PLCD3: variants seen among roughly 807,000 people sequenced by gnomAD.
The protein encoded by PLCD3 is phospholipase C delta 3.
Under a neutral mutation model 82.8 loss-of-function variants are expected in PLCD3, and 62 were observed. The observed-to-expected ratio is 0.75, with a 90% CI of 0.61 to 0.93. The LOEUF is 0.93. Ranked by LOEUF, PLCD3 falls within the 40% of genes least tolerant of loss-of-function variation. The pLI is 0.00. For missense variants in PLCD3, 1,023 were observed against 1,103.4 expected (o/e 0.93, Z 1.03); for synonymous variants, 478 against 471.8 (o/e 1.01, Z -0.17).
At chr17:45,130,280 G>A (rs937061350) in intron 1 of PLCD3, among the ~76,000 whole-genome samples, 1 of 152,142 alleles carries the variant, frequency 6.6e-6, no homozygotes, top group Non-Finnish European at 1.5e-5. Flanking sequence ...CAGCTGATGA[G>A]TACCGAGGCC....
Position 45,132,236 on chromosome 17 carries a change from C to T in PLCD3, c.163+12G>A. The T allele has an allele frequency of 7.9e-7, 1 of 1,267,772 alleles. No individual in the cohort carries two copies. Among genetic ancestry groups the T allele is most frequent in the East Asian group, 3.0e-5 (1 of 33,794 alleles). 78.5% of individuals were successfully genotyped at this position (1,267,772 alleles called of 1,614,324 possible). A position where few individuals can be genotyped will look rare whatever the true frequency, so the allele number is the denominator to read the frequency against. On this transcript the variant is annotated intron_variant, in intron 1 of 14. Transcript: ENST00000619929. This position sits in a 1 kb window ranked among gnomAD's most constrained non-coding sequence, Gnocchi z 4.6. ...TCCGCGCCCACCCCACCGCCCCTTG[C>T]CCGTCACTGACCCATCTTCTTCAGC...
Position 45,113,154 on chromosome 17 carries a change from G to A in PLCD3, c.2099C>T (p.Ala700Val), listed in dbSNP as rs1281210907. 1 of 1,612,908 alleles carries A rather than the reference G, an allele frequency of 6.2e-7. No individual in the cohort carries two copies. Among genetic ancestry groups the A allele is most frequent in the African/African-American group, 1.3e-5 (1 of 74,906 alleles). The change falls in exon 13 of 15, where the codon GCC becomes GTC. Residue 700 changes from alanine to valine, a missense_variant. Transcript: ENST00000619929. ...IEIHGVPADC[A>V]RQETDYVLNN... ...GAGCACGTAGTCAGTCTCCTGCCGGGCACAGTCTGCGGGCACCCCATGGAT... is the reference window on the plus strand; with the variant it reads ...GAGCACGTAGTCAGTCTCCTGCCGGACACAGTCTGCGGGCACCCCATGGAT...
chr17:45,113,150 C>T lies in PLCD3; in HGVS notation c.2103G>A (p.Arg701=). The T allele has an allele frequency of 6.2e-7, 1 of 1,613,330 alleles. No homozygotes were observed. Among genetic ancestry groups the T allele is most frequent in the Non-Finnish European group, 8.5e-7 (1 of 1,179,658 alleles). The change falls in exon 13 of 15, where the codon CGG becomes CGA. Residue 701 remains arginine, a synonymous_variant. Coordinates refer to ENST00000619929, the MANE Select transcript of PLCD3 (RefSeq NM_133373.5). ...EIHGVPADCA[R]QETDYVLNNG... ...TGTTGAGCACGTAGTCAGTCTCCTG[C>T]CGGGCACAGTCTGCGGGCACCCCAT...
intron 1 of PLCD3, among the ~76,000 whole-genome samples, chr17:45,131,002 C>T (rs1364936152): frequency 6.6e-6 from 1 of 152,038 alleles, no homozygotes; most frequent in Non-Finnish European, 1.5e-5. Flanking sequence ...AATGCAAGAG[C>T]CCCAGGGTGG....
At chr17:45,129,121 C>T (rs139355091) in intron 1 of PLCD3, 9 of 152,248 alleles carry the variant, frequency 5.9e-5, no homozygotes, top group South Asian at 2.1e-4. Context: ...AGATAATATG[C>T]GAAAAGCGCC....
intron 11 of PLCD3, 34 bp from the exon 12 acceptor site, chr17:45,113,639 T>C: frequency 6.5e-7 from 1 of 1,548,934 alleles, no homozygotes; most frequent in Non-Finnish European, 8.7e-7. Context: ...CAGGGGCTCT[T>C]AGCGGCCCTG....
chr17:45,132,218 C>T lies in PLCD3; in HGVS notation c.163+30G>A. On this transcript the variant is annotated intron_variant, in intron 1 of 14. Coordinates refer to ENST00000619929, the MANE Select transcript of PLCD3 (RefSeq NM_133373.5). The surrounding 1 kb of genome is among the most constrained non-coding windows in gnomAD (Gnocchi z 4.6). ...CTGGGCCTCTGGGAACGGTCCGCGCCCACCCCACCGCCCCTTGCCCGTCAC... is the reference window on the plus strand; with the variant it reads ...CTGGGCCTCTGGGAACGGTCCGCGCTCACCCCACCGCCCCTTGCCCGTCAC... 3.2e-6 allele frequency: 4 copies of T among 1,253,732 alleles called. No individual in the cohort carries two copies. The South Asian group carries it at 1.5e-4, about 49-fold the overall frequency. 77.7% of individuals were successfully genotyped at this position (1,253,732 alleles called of 1,614,324 possible). A position where few individuals can be genotyped will look rare whatever the true frequency, so the allele number is the denominator to read the frequency against.
Position 45,131,088 on chromosome 17 carries a change from G to A in PLCD3, c.163+1160C>T, listed in dbSNP as rs115344682. Among the ~76,000 whole-genome samples the A allele has an allele frequency of 5.3e-3, 811 of 152,338 alleles. 9 individuals carry two copies. The highest frequency in any genetic ancestry group is 0.019 in the African/African-American group (782 of 41,556). ...GGCACCGCATAAGTGCTTGTCCAAT[G>A]CATGCACAGTTGAATGGATGGCAGG... is the stretch of plus-strand genomic sequence containing the variant. On this transcript the variant is annotated intron_variant, in intron 1 of 14. Transcript: ENST00000619929.
In PLCD3 at chr17:45,121,091, T is replaced by C; in HGVS notation, c.365A>G (p.Gln122Arg). Residue 122 changes from glutamine (Q) to arginine (R), a missense_variant, in exon 3 of 15, where the codon CAG becomes CGG. Transcript: ENST00000619929. ...QHIEAVREGH[Q>R]SEGLRRFGGA... ...CCCGAAGCGCCGCAGGCCCTCGGAC[T>C]GGTGGCCCTCGCGGACCGCCTCGAT... 2 of 1,536,188 alleles carry C rather than the reference T, an allele frequency of 1.3e-6. No homozygotes were observed. Among genetic ancestry groups the C allele is most frequent in the East Asian group, 2.5e-5 (1 of 40,686 alleles).
intron 1 of PLCD3, among the ~76,000 whole-genome samples, chr17:45,122,748 G>T (rs1254847792): frequency 6.6e-6 from 1 of 152,126 alleles, no homozygotes; most frequent in African/African-American, 2.4e-5. Flanking sequence ...TCCTGGCTCT[G>T]GCCCCCTGGA....
chr17:45,122,484 G>A (rs2054349239), intron 1 of PLCD3, among the ~76,000 whole-genome samples: 2 of 152,146 alleles, frequency 1.3e-5, no homozygotes. Context: ...GGAGGTCGGG[G>A]TCCAGCGCCT....
At position 45,110,782 on chromosome 17, in the gene PLCD3, C is replaced by T. The variant is rs1447627741; in HGVS notation, c.*1834G>A. On this transcript the variant is annotated 3_prime_UTR_variant, in exon 15 of 15. Transcript: ENST00000619929. The stretch of plus-strand genomic sequence containing the variant: ...GCCCGGGCTGCCTGGCCCGGCCCGC[C>T]TGGCTCGGCCCATTCCTTCTGGGCC... 6.6e-6 allele frequency: 1 copy of T among 152,266 alleles called. No individual in the cohort carries two copies. The highest frequency in any genetic ancestry group is 1.5e-5 in the Non-Finnish European group (1 of 68,052). 9.4% of individuals were successfully genotyped at this position (152,266 alleles called of 1,614,324 possible).
intron 7 of PLCD3, 79 bp downstream of exon 7, chr17:45,117,915 G>A: frequency 6.4e-7 from 1 of 1,551,170 alleles, no homozygotes; most frequent in Non-Finnish European, 8.7e-7. Context: ...TGGAAGGACG[G>A]AGGGCAGCTG....
chr17:45,120,208 G>T, intron 4 of PLCD3, 117 bp downstream of exon 4: 1 of 1,390,528 alleles, frequency 7.2e-7, no homozygotes, highest in Non-Finnish European at 9.8e-7. Flanking sequence ...AAGGCTGCTC[G>T]CTCCAAAAAA....
chr17:45,114,449 A>G, intron 10 of PLCD3, 83 bp from the exon 11 acceptor site: 3 of 1,105,472 alleles, frequency 2.7e-6, no homozygotes, highest in Non-Finnish European at 3.8e-6. Context: ...CAGGGAACAG[A>G]GCCCAAGCCC....
In PLCD3 at chr17:45,113,056, C is replaced by T. The variant is rs546553609; in HGVS notation, c.2132-44G>A. ...AGTCAGAGCCCAGGGGCCCCAGGAC[C>T]CACCCTGCACCACCCTTCGCTCTCT... On this transcript the variant is annotated intron_variant, in intron 13 of 14. Coordinates refer to ENST00000619929, the MANE Select transcript of PLCD3 (RefSeq NM_133373.5). The T allele has an allele frequency of 2.3e-5, 37 of 1,603,674 alleles. No homozygotes were observed. The African/African-American group carries it at 4.4e-4, about 19-fold the overall frequency.
Position 45,121,015 on chromosome 17 carries a change from G to T in PLCD3, c.441C>A (p.Arg147=). The change falls in exon 3 of 15, where the codon CGC becomes CGA. Residue 147 remains arginine (R), a synonymous_variant. Coordinates refer to ENST00000619929, the MANE Select transcript of PLCD3 (RefSeq NM_133373.5). ...RCLTIAFKGR[R]KNLDLAAPTA... ...TGGGCGCCGCCAGGTCCAGGTTCTT[G>T]CGGCGGCCCTTGAAGGCGATGGTGA... 1 of 1,540,394 alleles carries T rather than the reference G, an allele frequency of 6.5e-7. No homozygotes were observed. The highest frequency in any genetic ancestry group is 8.7e-7 in the Non-Finnish European group (1 of 1,150,572).
At chr17:45,117,037 G>A (rs1004870692) in intron 7 of PLCD3, among the ~76,000 whole-genome samples, 3 of 152,082 alleles carry the variant, frequency 2.0e-5, no homozygotes, top group Non-Finnish European at 4.4e-5. Context: ...TCCATCTCCC[G>A]GGTTCAAGCG....
rs2054329924 is a variant in PLCD3 at position 45,120,770 on chromosome 17, C to T, written c.554+132G>A. ...CACCCTCAGTTTCGAAGACCAAGGG[C>T]TCCGACCCAGACCGTGCGCCCTCAG... On this transcript the variant is annotated intron_variant, in intron 3 of 14. Coordinates refer to ENST00000619929, the MANE Select transcript of PLCD3 (RefSeq NM_133373.5). The T allele has an allele frequency of 2.6e-6, 3 of 1,159,068 alleles. No individual in the cohort carries two copies. In the South Asian group the frequency reaches 5.2e-5, roughly 20 times the overall value. 71.8% of individuals were successfully genotyped at this position (1,159,068 alleles called of 1,614,324 possible).
Sources: gnomAD v4.1 joint callset for allele counts (sites outside exome capture counted in the v4.1 genomes callset) on GRCh38, gnomAD v4.1.1 for gene constraint, Gnocchi (gnomAD v3.1) non-coding constraint, MANE v1.5 for transcripts, NCBI Gene and HGNC (gene_info 2026-07-23, HGNC 2026-07-21) for gene names.